DMRT1: variants seen among roughly 807,000 people sequenced by gnomAD.
The protein encoded by DMRT1 is doublesex- and mab-3-related transcription factor 1.
DMRT1 carries 7 observed loss-of-function variants against 32.3 expected under a neutral mutation model. The observed-to-expected ratio is 0.22, with a 90% CI of 0.12 to 0.41. The LOEUF is 0.41. Ranked by LOEUF, DMRT1 falls within the 10% of genes least tolerant of loss-of-function variation. The probability of loss-of-function intolerance (pLI) is 1.00; values close to 1 mark genes in which losing one functional copy is unlikely to be tolerated. For synonymous variants in DMRT1, 278 were observed against 206.1 expected (o/e 1.35, Z -2.99); for missense variants, 625 against 500.5 (o/e 1.25, Z -2.37).
intron 4 of DMRT1, among the ~76,000 whole-genome samples, chr9:921,859 G>A (rs967091624): frequency 6.6e-6 from 1 of 152,034 alleles, no homozygotes; most frequent in African/African-American, 2.4e-5. Context: ...GTGACAGAGC[G>A]AAACCCTGAG....
intron 4 of DMRT1, among the ~76,000 whole-genome samples, chr9:951,324 A>G (rs1366594815): frequency 6.6e-6 from 1 of 152,256 alleles, no homozygotes; most frequent in East Asian, 1.9e-4. Context: ...CTGGTAAATC[A>G]CTTTGAAAGG....
chr9:948,719 T>G (rs1176231647), intron 4 of DMRT1, among the ~76,000 whole-genome samples: 2 of 152,048 alleles, frequency 1.3e-5, no homozygotes, highest in African/African-American at 4.8e-5. Flanking sequence ...CCCAACACTT[T>G]ACTCCACCCA....
At chr9:906,031 C>CACACACACACACACACA (rs755850220) in intron 3 of DMRT1, among the ~76,000 whole-genome samples, 1 of 19,232 alleles carries the variant, frequency 5.2e-5, no homozygotes, top group African/African-American at 8.3e-5. Flanking sequence ...ACACACACAC[C>CACACACACACACACACA]CACACACACA....
chr9:939,335 C>T (rs1456599625), intron 4 of DMRT1, among the ~76,000 whole-genome samples: 1 of 152,226 alleles, frequency 6.6e-6, no homozygotes, highest in Non-Finnish European at 1.5e-5. Flanking sequence ...ATGCTGGGAA[C>T]AATCTTAACT....
intron 4 of DMRT1, among the ~76,000 whole-genome samples, chr9:955,196 C>G (rs1050087044): frequency 3.3e-5 from 5 of 152,046 alleles, no homozygotes; most frequent in Non-Finnish European, 7.4e-5. Flanking sequence ...GGCATGGGCA[C>G]TTGTCCAGTG....
intron 2 of DMRT1, among the ~76,000 whole-genome samples, chr9:862,238 G>T (rs552483059): frequency 1.3e-5 from 2 of 152,062 alleles, no homozygotes; most frequent in Admixed American, 1.3e-4. Context: ...GCGAGACTCC[G>T]TCTGCACTCC....
At position 894,199 on chromosome 9, in the gene DMRT1, T is replaced by A; in HGVS notation, c.822+4T>A. ...TCAGACAGGAAACCAGTGGCAGGTA[T>A]GATATTAATTACCCAGAGAGTGAAC... On this transcript the variant is annotated splice_donor_region_variant and intron_variant, in intron 3 of 4. Transcript: ENST00000382276. 6.2e-7 allele frequency: 1 copy of A among 1,612,514 alleles called. No individual in the cohort carries two copies. Among genetic ancestry groups the A allele is most frequent in the African/African-American group, 1.3e-5 (1 of 74,988 alleles).
intron 3 of DMRT1, among the ~76,000 whole-genome samples, chr9:909,959 C>T (rs1029549814): frequency 6.6e-6 from 1 of 152,206 alleles, no homozygotes; most frequent in African/African-American, 2.4e-5. Flanking sequence ...AATAATCCTT[C>T]CTCCTCAGCC....
At chr9:893,450 T>A (rs1196166076) in intron 2 of DMRT1, among the ~76,000 whole-genome samples, 1 of 152,268 alleles carries the variant, frequency 6.6e-6, no homozygotes, top group Non-Finnish European at 1.5e-5. Context: ...AGATACCTGA[T>A]CACCTGTGGA....
At chr9:843,138 C>G (rs1048062942) in intron 1 of DMRT1, among the ~76,000 whole-genome samples, 2 of 152,206 alleles carry the variant, frequency 1.3e-5, no homozygotes, top group South Asian at 2.1e-4. Flanking sequence ...GACTCTCCCT[C>G]CTTGCTGAGT....
intron 4 of DMRT1, among the ~76,000 whole-genome samples, chr9:954,892 G>A (rs753925379): frequency 4.6e-5 from 7 of 152,066 alleles, no homozygotes; most frequent in African/African-American, 9.7e-5. Context: ...TGCCTGCCTC[G>A]GCCTCCCAAA....
In DMRT1 at chr9:968,224, T is replaced by TCATA; in HGVS notation, c.*87_*90dup. 3.3e-6 allele frequency: 5 copies of TCATA among 1,500,916 alleles called. No homozygotes were observed. The highest frequency in any genetic ancestry group is 4.6e-6 in the Non-Finnish European group (5 of 1,095,626). 93.0% of individuals were successfully genotyped at this position (1,500,916 alleles called of 1,614,324 possible). The stretch of plus-strand genomic sequence containing the variant: ...GGGTTTGTTAATATTTTGCATTGAC[T>TCATA]CATACTATCTTAACTGTTGAGAACG... On this transcript the variant is annotated 3_prime_UTR_variant, in exon 5 of 5. Transcript: ENST00000382276.
intron 4 of DMRT1, among the ~76,000 whole-genome samples, chr9:951,285 TAA>T (rs1819419631): frequency 6.6e-6 from 1 of 151,480 alleles, no homozygotes; most frequent in African/African-American, 2.5e-5. Flanking sequence ...AAGGCAGAGT[TAA>T]AGAAAAATGA....
chr9:897,021 A>G (rs1018443743), intron 3 of DMRT1, among the ~76,000 whole-genome samples: 2 of 151,866 alleles, frequency 1.3e-5, no homozygotes, highest in Non-Finnish European at 2.9e-5. Context: ...TGGGCATATT[A>G]AAATGTCAAT....
chr9:903,777 A>G (rs1392473950), intron 3 of DMRT1, among the ~76,000 whole-genome samples: 2 of 152,226 alleles, frequency 1.3e-5, no homozygotes, highest in Non-Finnish European at 2.9e-5. Flanking sequence ...GCCCTGGAGA[A>G]CAGACAGCTC....
intron 3 of DMRT1, among the ~76,000 whole-genome samples, chr9:905,870 A>G (rs548871329): frequency 6.6e-6 from 1 of 152,248 alleles, no homozygotes; most frequent in East Asian, 1.9e-4. Context: ...GGGAAGCTGG[A>G]TTTGGAGTTT....
chr9:931,129 G>T (rs993849723), intron 4 of DMRT1, among the ~76,000 whole-genome samples: 1 of 152,110 alleles, frequency 6.6e-6, no homozygotes, highest in Non-Finnish European at 1.5e-5. Context: ...GGTCTTTTGT[G>T]TCCGACTTCT....
chr9:923,769 C>G (rs935545715), intron 4 of DMRT1, among the ~76,000 whole-genome samples: 1 of 152,162 alleles, frequency 6.6e-6, no homozygotes, highest in African/African-American at 2.4e-5. Flanking sequence ...CCTTGTCTTT[C>G]TCTGCTTTAA....
intron 2 of DMRT1, among the ~76,000 whole-genome samples, chr9:864,648 G>A (rs931180623): frequency 7.7e-4 from 117 of 151,802 alleles, no homozygotes; most frequent in Admixed American, 4.1e-3. Flanking sequence ...ACAGGCGCCC[G>A]CCACCACGCC....
Sources: gnomAD v4.1 joint callset for allele counts (sites outside exome capture counted in the v4.1 genomes callset) on GRCh38, gnomAD v4.1.1 for gene constraint, MANE v1.5 for transcripts, NCBI Gene and HGNC (gene_info 2026-07-23, HGNC 2026-07-21) for gene names.